ITPR2: variants seen among roughly 807,000 people sequenced by gnomAD.
ITPR2 encodes the protein inositol 1,4,5-trisphosphate receptor type 2.
ITPR2 carries 207 observed loss-of-function variants against 317.1 expected under a neutral mutation model. The ratio of observed to expected loss-of-function variants is 0.65; its 90% CI spans 0.58 to 0.73. The LOEUF is 0.73. ITPR2 is among the 30% of genes least tolerant of loss of function. The pLI is 0.00. For missense variants in ITPR2, 2,613 were observed against 3,284.0 expected, an observed-to-expected ratio of 0.80 and a Z score of 4.99; for synonymous variants, 1,156 against 1,149.1, an observed-to-expected ratio of 1.01 and a Z score of -0.12.
chr12:26,599,748 C>T (rs970662299), intron 29 of ITPR2, among the ~76,000 whole-genome samples: 3 of 151,962 alleles, frequency 2.0e-5, no homozygotes, highest in African/African-American at 7.3e-5. Flanking sequence ...TTTTCCCTAA[C>T]ATTTAACTAT....
At chr12:26,605,096 A>T (rs559619653) in intron 26 of ITPR2, among the ~76,000 whole-genome samples, 2,550 of 112,468 alleles carry the variant, frequency 0.023, 72 homozygotes, top group African/African-American at 0.067. Context: ...TCAAAAAAAA[A>T]AAAAATAAAA....
chr12:26,733,716 T>C (rs1422034498), intron 2 of ITPR2, among the ~76,000 whole-genome samples: 1 of 152,158 alleles, frequency 6.6e-6, no homozygotes, highest in Non-Finnish European at 1.5e-5. Context: ...TGTATTCTTG[T>C]CAAGGTTTGA....
At chr12:26,805,702 T>C (rs890843799) in intron 1 of ITPR2, among the ~76,000 whole-genome samples, 3 of 32,528 alleles carry the variant, frequency 9.2e-5, no homozygotes, top group East Asian at 3.7e-3. Flanking sequence ...ATAAACACTA[T>C]AGAAAAAAGG....
chr12:26,622,345 G>A lies in ITPR2; in HGVS notation c.3183C>T (p.Leu1061=). ...DEGGRTFLRV[L]IHLIMHDYPP... is the part of the protein sequence containing the mutation. ...GGTAGTCGTGCATGATCAGATGAAT[G>A]AGGACCCGTAAAAACGTCCTGCCTC... The change falls in exon 25 of 57, where the codon CTC becomes CTT. Residue 1061 remains leucine (L), a synonymous_variant. Transcript: ENST00000381340. The A allele has an allele frequency of 3.7e-6, 6 of 1,613,798 alleles. No individual in the cohort carries two copies. The South Asian group carries it at 4.4e-5, about 12-fold the overall frequency.
At chr12:26,426,376 G>A in intron 49 of ITPR2, among the ~76,000 whole-genome samples, 1 of 152,266 alleles carries the variant, frequency 6.6e-6, no homozygotes, top group East Asian at 1.9e-4. Flanking sequence ...TGGTAATACT[G>A]TAAAATCAGC....
At chr12:26,416,718 T>G (rs1940731789) in intron 50 of ITPR2, among the ~76,000 whole-genome samples, 1 of 152,206 alleles carries the variant, frequency 6.6e-6, no homozygotes, top group Admixed American at 6.5e-5. Flanking sequence ...AGAAATGAAG[T>G]CAATATTCTT....
Position 26,580,078 on chromosome 12 carries a change from A to C in ITPR2, c.4458T>G (p.Ile1486Met). 1 of 1,611,848 alleles carries C rather than the reference A, an allele frequency of 6.2e-7. No individual in the cohort carries two copies. The highest frequency in any genetic ancestry group is 8.5e-7 in the Non-Finnish European group (1 of 1,178,126). The change falls in exon 33 of 57, where the codon ATT becomes ATG. Residue 1486 changes from isoleucine to methionine, a missense_variant. By Grantham distance (10) the Ile-to-Met change is conservative (BLOSUM62 1). Transcript: ENST00000381340. ...AGGGAGAATTAAAGAAGCCGCTCAC[A>C]ATATTCATTATTGACTCAGTAACAC... is the stretch of plus-strand genomic sequence containing the variant. ...EKCVTESIMN[I>M]VSGFFNSPFS...
At chr12:26,468,761 T>A (rs1942233061) in intron 45 of ITPR2, among the ~76,000 whole-genome samples, 1 of 152,210 alleles carries the variant, frequency 6.6e-6, no homozygotes, top group South Asian at 2.1e-4. Context: ...CATTCATTCA[T>A]CCCTCAATTA....
chr12:26,439,921 T>A lies in ITPR2; in HGVS notation c.6451-602A>T, dbSNP rs1388745509. Reference sequence around the variant, plus strand: ...GCCTCCCTTATTTGTTATTTGTGACTGTTTAACTTTAGACTAAAAAAAGGC... The same window carrying A: ...GCCTCCCTTATTTGTTATTTGTGACAGTTTAACTTTAGACTAAAAAAAGGC... On this transcript the variant is annotated intron_variant, in intron 46 of 56. Coordinates refer to ENST00000381340, the MANE Select transcript of ITPR2 (RefSeq NM_002223.4). 2.7e-5 allele frequency among the ~76,000 whole-genome samples: 3 copies of A among 111,356 alleles called. No homozygotes were observed. In the East Asian group the frequency reaches 6.8e-4, roughly 25 times the overall value. The allele number at this position is 111,356 out of a possible 152,430, so 73.1% of individuals were successfully genotyped here. A position where few individuals can be genotyped will look rare whatever the true frequency, so the allele number is the denominator to read the frequency against.
intron 2 of ITPR2, among the ~76,000 whole-genome samples, chr12:26,783,318 A>C (rs1466856653): frequency 6.6e-6 from 1 of 152,184 alleles, no homozygotes; most frequent in Non-Finnish European, 1.5e-5. Context: ...GAATCTCAGA[A>C]CTGGAACCTT....
At chr12:26,808,069 T>A (rs951252582) in intron 1 of ITPR2, among the ~76,000 whole-genome samples, 1 of 152,186 alleles carries the variant, frequency 6.6e-6, no homozygotes, top group South Asian at 2.1e-4. Flanking sequence ...AGGTTCTACT[T>A]CCTTCTAAAA....
intron 2 of ITPR2, among the ~76,000 whole-genome samples, chr12:26,730,143 T>C (rs1949002325): frequency 6.6e-6 from 1 of 152,222 alleles, no homozygotes; most frequent in South Asian, 2.1e-4. Context: ...TGTCTTTGTA[T>C]ACACTTCTCA....
chr12:26,414,050 T>TATATAC (rs1555121665), intron 51 of ITPR2, among the ~76,000 whole-genome samples: 1,869 of 138,196 alleles, frequency 0.014, 39 homozygotes, highest in South Asian at 0.092. Context: ...TGTATATATG[T>TATATAC]ACACACACAC....
At chr12:26,777,629 A>C (rs1056404933) in intron 2 of ITPR2, among the ~76,000 whole-genome samples, 1 of 152,166 alleles carries the variant, frequency 6.6e-6, no homozygotes, top group African/African-American at 2.4e-5. Flanking sequence ...TGATAAATGC[A>C]TTCCTACTTA....
intron 39 of ITPR2, among the ~76,000 whole-genome samples, chr12:26,490,326 G>T (rs1942769569): frequency 6.6e-6 from 1 of 152,204 alleles, no homozygotes; most frequent in South Asian, 2.1e-4. Flanking sequence ...AGACAGCTAG[G>T]AAAGACTTTG....
At chr12:26,516,255 AGGAAAGGAAAGGAAAGGAAG>A (rs1565574427) in intron 37 of ITPR2, among the ~76,000 whole-genome samples, 385 of 36,876 alleles carry the variant, frequency 0.01, 21 homozygotes, top group Non-Finnish European at 0.019. Flanking sequence ...AGGAAAGGAA[AGGAAAGGAAAGGAAAGGAAG>A]GGAAGGGAAG....
chr12:26,815,316 G>A (rs1460594544), intron 1 of ITPR2, among the ~76,000 whole-genome samples: 3 of 151,912 alleles, frequency 2.0e-5, no homozygotes, highest in Non-Finnish European at 2.9e-5. Context: ...TGGGTGACAC[G>A]GTAAGACTCA....
chr12:26,598,812 GTCTT>G (rs1366142512), intron 30 of ITPR2, among the ~76,000 whole-genome samples: 2 of 152,140 alleles, frequency 1.3e-5, no homozygotes, highest in Admixed American at 1.3e-4. Context: ...AGTTTAATCT[GTCTT>G]TCTTATATCA....
At chr12:26,713,136 C>G (rs1310462620) in intron 8 of ITPR2, among the ~76,000 whole-genome samples, 1 of 152,326 alleles carries the variant, frequency 6.6e-6, no homozygotes, top group East Asian at 1.9e-4. Flanking sequence ...GGTAAGGACC[C>G]CTCAGCATGT....
Sources: gnomAD v4.1 joint callset for allele counts (sites outside exome capture counted in the v4.1 genomes callset) on GRCh38, gnomAD v4.1.1 for gene constraint, MANE v1.5 for transcripts, NCBI Gene and HGNC (gene_info 2026-07-23, HGNC 2026-07-21) for gene names.